Variants in GLMN observed in about 807,000 individuals in gnomAD.
The protein encoded by GLMN is glomulin, FKBP associated protein, also known as glomulin.
GLMN carries 75 observed loss-of-function variants against 87.8 expected under a neutral mutation model. The observed-to-expected ratio is 0.85, with a 90% CI of 0.71 to 1.04. The LOEUF (loss-of-function observed/expected upper bound fraction) is 1.04, where lower values mean the gene tolerates loss of function less well. Among genes scored for constraint, GLMN ranks in the 50% least tolerant of loss-of-function variants. The probability of loss-of-function intolerance (pLI) is 0.00; values close to 1 mark genes in which losing one functional copy is unlikely to be tolerated. For missense variants in GLMN, 588 were observed against 658.8 expected (o/e 0.89, Z 1.18); for synonymous variants, 206 against 221.6 (o/e 0.93, Z 0.63).
intron 2 of GLMN, 144 bp downstream of exon 2, chr1:92,297,817 T>C: frequency 1.6e-6 from 1 of 638,332 alleles, no homozygotes. Context: ...CCAATCTGCC[T>C]CCCCCACTCA....
the GLMN span, chr1:92,323,467 C>T: frequency 6.3e-7 from 1 of 1,597,958 alleles, no homozygotes; most frequent in East Asian, 2.2e-5. Context: ...AGAAGAAGTA[C>T]AGTTATGCAG....
chr1:92,365,462 A>AT, the GLMN span, among the ~76,000 whole-genome samples: 2 of 152,202 alleles, frequency 1.3e-5, no homozygotes, highest in African/African-American at 4.8e-5. Context: ...GGGCATAAGA[A>AT]TTTTTTAAGT....
chr1:92,268,825 T>A (rs532956900), intron 9 of GLMN, among the ~76,000 whole-genome samples: 1 of 152,080 alleles, frequency 6.6e-6, no homozygotes, highest in Admixed American at 6.6e-5. Context: ...ACATGTTACA[T>A]GTTATAGTGA....
the GLMN span, among the ~76,000 whole-genome samples, chr1:92,327,678 A>C: frequency 6.6e-6 from 1 of 150,740 alleles, no homozygotes; most frequent in Non-Finnish European, 1.5e-5. Context: ...GATGTGAGGT[A>C]CTATTCTATT....
At chr1:92,300,365 G>A (rs1650738458), upstream of GLMN, 2 of 699,982 alleles carry the variant, frequency 2.9e-6, no homozygotes, top group Admixed American at 2.5e-5. Context: ...GGAAGGGAAA[G>A]ATCTGGGAAG....
chr1:92,335,875 T>TC, the GLMN span, among the ~76,000 whole-genome samples: 1 of 152,276 alleles, frequency 6.6e-6, no homozygotes, highest in East Asian at 1.9e-4. Flanking sequence ...TAGATTAAAT[T>TC]TTTTTCATAG....
intron 7 of GLMN, among the ~76,000 whole-genome samples, chr1:92,281,438 C>G (rs1031414452): frequency 2.6e-5 from 4 of 152,082 alleles, no homozygotes; most frequent in Non-Finnish European, 4.4e-5. Context: ...TTGTCACCAC[C>G]AGGCCTGCCT....
At chr1:92,335,570 T>C in the GLMN span, among the ~76,000 whole-genome samples, 1 of 152,162 alleles carries the variant, frequency 6.6e-6, no homozygotes, top group African/African-American at 2.4e-5. Flanking sequence ...TCTCTGTGGA[T>C]AAACCTAGAA....
the GLMN span, among the ~76,000 whole-genome samples, chr1:92,364,940 C>T: frequency 6.6e-6 from 1 of 152,180 alleles, no homozygotes; most frequent in Non-Finnish European, 1.5e-5. Flanking sequence ...AAATTCAAGG[C>T]CCTTCAGAAG....
the GLMN span, among the ~76,000 whole-genome samples, chr1:92,354,872 G>T: frequency 6.7e-6 from 1 of 149,990 alleles, no homozygotes; most frequent in Non-Finnish European, 1.5e-5. Context: ...TTAAATAAAT[G>T]CAATTTTAAT....
At chr1:92,287,174 T>C (rs1442173436) in intron 6 of GLMN, among the ~76,000 whole-genome samples, 1 of 152,196 alleles carries the variant, frequency 6.6e-6, no homozygotes, top group Non-Finnish European at 1.5e-5. Flanking sequence ...CTGGTGCTAG[T>C]CTATGATGTT....
chr1:92,299,697 A>G (rs1013511953), upstream of GLMN, among the ~76,000 whole-genome samples: 1 of 152,218 alleles, frequency 6.6e-6, no homozygotes, highest in African/African-American at 2.4e-5. Context: ...GAAAAATTAG[A>G]CAGTAATCAA....
At chr1:92,255,826 G>A (rs1230580616) in intron 16 of GLMN, among the ~76,000 whole-genome samples, 9 of 152,044 alleles carry the variant, frequency 5.9e-5, no homozygotes, top group African/African-American at 4.8e-5. Context: ...ATCTAAAATC[G>A]ACGACCTAAC....
chr1:92,325,739 A>G, the GLMN span, among the ~76,000 whole-genome samples: 1 of 152,076 alleles, frequency 6.6e-6, no homozygotes, highest in Non-Finnish European at 1.5e-5. Context: ...CCTCCTAATC[A>G]GCACCTCTTT....
In GLMN at chr1:92,264,621, C is replaced by G. The variant is rs367711850; in HGVS notation, c.1232G>C (p.Ser411Thr). ...AAAAGCCTCCACACCTGAGTGATTA[C>G]TTGTATTCAATAAGCACCTTGAAAG... is the stretch of plus-strand genomic sequence containing the variant. ...YTLFRCLLNTSNHSGVEAFII... is the reference protein window; with the variant it reads ...YTLFRCLLNTTNHSGVEAFII... Residue 411 changes from serine (S) to threonine (T), a missense_variant, in exon 14 of 19, where the codon AGT becomes ACT. Transcript: ENST00000370360. The G allele has an allele frequency of 3.2e-6, 5 of 1,576,512 alleles. No homozygotes were observed. In the African/African-American group the frequency reaches 5.4e-5, roughly 17 times the overall value.
intron 15 of GLMN, 62 bp from the exon 16 acceptor site, chr1:92,262,988 T>TATTG: frequency 1.4e-6 from 1 of 717,416 alleles, no homozygotes; most frequent in South Asian, 1.5e-5. Flanking sequence ...GCAATCTCAA[T>TATTG]AAGCTAAAAC....
At chr1:92,323,680 C>G in the GLMN span, 1 of 1,613,596 alleles carries the variant, frequency 6.2e-7, no homozygotes, top group East Asian at 2.2e-5. Context: ...GAAAGCTGGT[C>G]ACAAAGCTAA....
chr1:92,273,698 T>C (rs912068544), intron 7 of GLMN, among the ~76,000 whole-genome samples: 1 of 152,026 alleles, frequency 6.6e-6, no homozygotes, highest in Non-Finnish European at 1.5e-5. Context: ...TTAAGTGATC[T>C]GCCCACCTTG....
intron 9 of GLMN, among the ~76,000 whole-genome samples, chr1:92,269,168 C>CT (rs1655970342): frequency 2.0e-5 from 3 of 148,430 alleles, no homozygotes; most frequent in African/African-American, 7.4e-5. Flanking sequence ...TCCCAAAGTG[C>CT]TGGGATTATA....
Sources: gnomAD v4.1 joint callset for allele counts (sites outside exome capture counted in the v4.1 genomes callset) on GRCh38, gnomAD v4.1.1 for gene constraint, MANE v1.5 for transcripts, NCBI Gene and HGNC (gene_info 2026-07-23, HGNC 2026-07-21) for gene names.